PTPN4: variants seen among roughly 807,000 people sequenced by gnomAD.
The protein encoded by PTPN4 is protein tyrosine phosphatase non-receptor type 4.
In PTPN4, 49 loss-of-function variants were observed where a neutral mutation model predicts 135.5. That is an observed-to-expected ratio of 0.36 (90% confidence interval 0.29 to 0.46). The LOEUF (loss-of-function observed/expected upper bound fraction) is 0.46. Ranked by LOEUF, PTPN4 falls within the 20% of genes least tolerant of loss-of-function variation. The pLI is 1.00. For synonymous variants in PTPN4, 333 were observed against 369.9 expected, an observed-to-expected ratio of 0.90 and a Z score of 1.14; for missense variants, 860 against 1,101.0, an observed-to-expected ratio of 0.78 and a Z score of 3.10.
chr2:119,869,339 T>G (rs146086872), intron 3 of PTPN4, among the ~76,000 whole-genome samples: 154 of 152,354 alleles, frequency 1.0e-3, no homozygotes, highest in African/African-American at 3.2e-3. Context: ...TGTCACAATT[T>G]AAACTGCATA....
chr2:119,792,866 C>T (rs1016467944), intron 1 of PTPN4, among the ~76,000 whole-genome samples: 1 of 152,004 alleles, frequency 6.6e-6, no homozygotes, highest in Non-Finnish European at 1.5e-5. Context: ...TTTTTATTAG[C>T]GATTTTCAAA....
At chr2:119,870,158 A>G (rs1677889676) in intron 3 of PTPN4, among the ~76,000 whole-genome samples, 1 of 152,236 alleles carries the variant, frequency 6.6e-6, no homozygotes, top group African/African-American at 2.4e-5. Flanking sequence ...TATAACTGGT[A>G]AGACTTAGAG....
intron 10 of PTPN4, among the ~76,000 whole-genome samples, chr2:119,905,307 T>C (rs966388212): frequency 6.6e-5 from 10 of 152,090 alleles, no homozygotes; most frequent in East Asian, 1.9e-4. Context: ...AAAAATCCCA[T>C]GTAAATGGAA....
chr2:119,848,590 A>T (rs1208490720), intron 2 of PTPN4, among the ~76,000 whole-genome samples: 2 of 149,074 alleles, frequency 1.3e-5, no homozygotes, highest in Non-Finnish European at 3.0e-5. Flanking sequence ...TGAGGCTCTT[A>T]ATTTATCTTC....
chr2:119,913,032 T>C (rs1370406612), intron 10 of PTPN4, among the ~76,000 whole-genome samples: 1 of 152,184 alleles, frequency 6.6e-6, no homozygotes, highest in Non-Finnish European at 1.5e-5. Context: ...TTTTTGAGGT[T>C]CATCCGCATT....
intron 15 of PTPN4, among the ~76,000 whole-genome samples, chr2:119,939,254 A>C (rs544686780): frequency 2.6e-4 from 40 of 152,320 alleles, no homozygotes; most frequent in African/African-American, 8.9e-4. Context: ...TTACATTCCT[A>C]ATCACAAGAT....
At chr2:119,855,865 G>A (rs963705356) in intron 2 of PTPN4, among the ~76,000 whole-genome samples, 4 of 151,884 alleles carry the variant, frequency 2.6e-5, no homozygotes, top group Non-Finnish European at 5.9e-5. Context: ...GTGCAGTGGC[G>A]CGATCTCAGC....
intron 3 of PTPN4, among the ~76,000 whole-genome samples, chr2:119,866,523 C>T (rs1256743598): frequency 6.6e-6 from 1 of 152,050 alleles, no homozygotes; most frequent in Non-Finnish European, 1.5e-5. Flanking sequence ...CTTTGGAACT[C>T]AAGAAATTGC....
chr2:119,946,351 G>T lies in PTPN4; in HGVS notation c.1526G>T (p.Gly509Val). The stretch of plus-strand genomic sequence containing the variant: ...TTTTGTCTTTTTAAGCCTAATGGTG[G>T]TATTCCACATGATAATCTTGTCCTA... ...SSPEKPTPNG[G>V]IPHDNLVLIR... is the part of the protein sequence containing the mutation. Residue 509 changes from glycine to valine, a missense_variant, in exon 17 of 27, where the codon GGT becomes GTT. Around this residue, in one of 2 missense-constraint regions of PTPN4, gnomAD observed 684 missense variants for 807.0 expected, o/e 0.85. Coordinates refer to ENST00000263708, the MANE Select transcript of PTPN4 (RefSeq NM_002830.4). 1.9e-6 allele frequency: 3 copies of T among 1,604,384 alleles called. No individual in the cohort carries two copies. Among genetic ancestry groups the T allele is most frequent in the African/African-American group, 1.3e-5 (1 of 74,718 alleles).
At chr2:119,882,405 T>C in intron 7 of PTPN4, 98 bp from the exon 8 acceptor site, 1 of 1,218,702 alleles carries the variant, frequency 8.2e-7, no homozygotes, top group Non-Finnish European at 1.1e-6. Context: ...AACATAAGTA[T>C]TTTACATCCA....
chr2:119,964,787 A>G (rs1679423012), intron 24 of PTPN4, among the ~76,000 whole-genome samples: 1 of 152,194 alleles, frequency 6.6e-6, no homozygotes, highest in Admixed American at 6.5e-5. Context: ...TTTATACATA[A>G]CTTTTGGTGG....
At chr2:119,895,469 G>A (rs1290237380) in intron 9 of PTPN4, among the ~76,000 whole-genome samples, 3 of 152,132 alleles carry the variant, frequency 2.0e-5, no homozygotes, top group South Asian at 2.1e-4. Flanking sequence ...GCCAAACCCC[G>A]TCTCTACTAA....
At chr2:119,844,814 G>A (rs1289928768) in intron 2 of PTPN4, among the ~76,000 whole-genome samples, 2 of 144,504 alleles carry the variant, frequency 1.4e-5, no homozygotes, top group African/African-American at 2.7e-5. Flanking sequence ...GACGATGGGC[G>A]GCCAGGCAGA....
At chr2:119,784,696 ATTTTT>A (rs58879330) in intron 1 of PTPN4, among the ~76,000 whole-genome samples, 1 of 110,166 alleles carries the variant, frequency 9.1e-6, no homozygotes, top group South Asian at 3.0e-4. Context: ...TGCCCAGCTA[ATTTTT>A]TTTTTTTTTT....
intron 9 of PTPN4, among the ~76,000 whole-genome samples, chr2:119,888,987 T>C: frequency 6.6e-6 from 1 of 152,206 alleles, no homozygotes; most frequent in Non-Finnish European, 1.5e-5. Context: ...AGACTTTCTT[T>C]ACTGATTTCA....
intron 2 of PTPN4, among the ~76,000 whole-genome samples, chr2:119,855,142 G>C (rs540301235): frequency 1.0e-3 from 155 of 152,170 alleles, no homozygotes; most frequent in Admixed American, 5.9e-3. Flanking sequence ...CTCATCCATG[G>C]TTTTTCTAAG....
rs1194844656 is a variant in PTPN4, at chr2:119,885,900, A to G, written c.675+18A>G. ...ATGCAAGGGTAAGTGAAGAAAACTT[A>G]CTTTGATGTTGTTGAGTTAGGCTCC... On this transcript the variant is annotated intron_variant, in intron 9 of 26. Transcript: ENST00000263708. 3.3e-6 allele frequency: 5 copies of G among 1,510,172 alleles called. No homozygotes were observed. The highest frequency in any genetic ancestry group is 2.3e-5 in the East Asian group (1 of 42,686). The allele number at this position is 1,510,172 out of a possible 1,614,324, so 93.5% of individuals were successfully genotyped here.
At chr2:119,775,240 C>T (rs891451835) in intron 1 of PTPN4, among the ~76,000 whole-genome samples, 1 of 151,956 alleles carries the variant, frequency 6.6e-6, no homozygotes, top group Admixed American at 6.6e-5. Flanking sequence ...ATCAGGACTG[C>T]CCTTATCTAT....
At chr2:119,847,311 C>CATAT (rs1258221523) in intron 2 of PTPN4, among the ~76,000 whole-genome samples, 8 of 108,686 alleles carry the variant, frequency 7.4e-5, no homozygotes, top group African/African-American at 3.1e-4. Flanking sequence ...CACACACACA[C>CATAT]ACACATATAT....
Sources: gnomAD v4.1 joint callset for allele counts (sites outside exome capture counted in the v4.1 genomes callset) on GRCh38, gnomAD v4.1.1 for gene constraint, gnomAD v4.1.1 regional missense constraint, MANE v1.5 for transcripts, NCBI Gene and HGNC (gene_info 2026-07-23, HGNC 2026-07-21) for gene names.